LARGE1: variants seen among roughly 807,000 people sequenced by gnomAD.
LARGE1 encodes xylosyl- and glucuronyltransferase LARGE1.
LARGE1 carries 43 observed loss-of-function variants against 87.6 expected under a neutral mutation model. The ratio of observed to expected loss-of-function variants is 0.49; its 90% CI spans 0.38 to 0.63. LARGE1 has a LOEUF of 0.63. Among genes scored for constraint, LARGE1 ranks in the 30% least tolerant of loss-of-function variants. LARGE1 has a pLI of 0.00. For missense variants in LARGE1, 802 were observed against 1,000.2 expected, an observed-to-expected ratio of 0.80 and a Z score of 2.67; for synonymous variants, 434 against 394.6, an observed-to-expected ratio of 1.10 and a Z score of -1.18.
chr22:33,830,434 G>A (rs1340888269), intron 1 of LARGE1, among the ~76,000 whole-genome samples: 2 of 152,132 alleles, frequency 1.3e-5, no homozygotes, highest in Non-Finnish European at 2.9e-5. Context: ...CGAGAGGCAG[G>A]AGGAAATGGT....
intron 1 of LARGE1, among the ~76,000 whole-genome samples, chr22:33,804,000 G>A (rs2086238937): frequency 6.6e-6 from 1 of 152,142 alleles, no homozygotes; most frequent in Non-Finnish European, 1.5e-5. Flanking sequence ...GTTGAAGGAT[G>A]GCAGTCAGGA....
intron 7 of LARGE1, among the ~76,000 whole-genome samples, chr22:33,413,444 T>G (rs1400255302): frequency 1.3e-5 from 2 of 151,986 alleles, no homozygotes; most frequent in African/African-American, 4.8e-5. Flanking sequence ...GCATCATTAC[T>G]GGGGGCTTTT....
chr22:33,734,498 G>C (rs2083585483), intron 2 of LARGE1, among the ~76,000 whole-genome samples: 1 of 152,148 alleles, frequency 6.6e-6, no homozygotes, highest in South Asian at 2.1e-4. Context: ...AGTAGTGAGA[G>C]ACCACTGAAG....
At chr22:33,672,370 C>T (rs901915268) in intron 2 of LARGE1, among the ~76,000 whole-genome samples, 4 of 152,230 alleles carry the variant, frequency 2.6e-5, no homozygotes, top group African/African-American at 7.2e-5. Flanking sequence ...AGAGTGAGCT[C>T]TAGCAGAGCA....
chr22:33,587,941 A>G (rs1375310937), intron 5 of LARGE1, among the ~76,000 whole-genome samples: 8 of 152,158 alleles, frequency 5.3e-5, no homozygotes, highest in Non-Finnish European at 1.0e-4. Flanking sequence ...TTGTTGGAAA[A>G]TCCATTCATT....
chr22:33,764,750 C>T (rs2084846618), intron 1 of LARGE1, among the ~76,000 whole-genome samples: 1 of 152,136 alleles, frequency 6.6e-6, no homozygotes. Flanking sequence ...CAGCAAGACT[C>T]CATCTCAAAA....
At chr22:33,675,326 A>G (rs1213015465) in intron 2 of LARGE1, among the ~76,000 whole-genome samples, 3 of 148,840 alleles carry the variant, frequency 2.0e-5, no homozygotes, top group Non-Finnish European at 3.0e-5. Context: ...AAAGAACACA[A>G]GAGCAGAACC....
In LARGE1 at chr22:33,273,506, G is replaced by C. The variant is rs16992034; in HGVS notation, c.*921C>G. 0.066 allele frequency: 26,493 copies of C among 398,660 alleles called. 1,037 individuals carry two copies. The highest frequency in any genetic ancestry group is 0.11 in the African/African-American group (5,495 of 48,722). 24.7% of individuals were successfully genotyped at this position (398,660 alleles called of 1,614,324 possible). ...TAGTTCCTTCAAAGCCCTTTCCCAT[G>C]AATCAGTCACTGCCAATAGAAAATG... is the stretch of plus-strand genomic sequence containing the variant. On this transcript the variant is annotated 3_prime_UTR_variant, in exon 15 of 15. Transcript: ENST00000397394.
intron 1 of LARGE1, among the ~76,000 whole-genome samples, chr22:33,810,240 A>C (rs1285759100): frequency 6.6e-6 from 1 of 152,236 alleles, no homozygotes; most frequent in Non-Finnish European, 1.5e-5. Flanking sequence ...GAGAGAGTTT[A>C]CACTGACCAA....
chr22:33,516,192 G>C (rs540925550), intron 6 of LARGE1, among the ~76,000 whole-genome samples: 53 of 152,258 alleles, frequency 3.5e-4, no homozygotes, highest in Non-Finnish European at 6.5e-4. Flanking sequence ...AGGAGCGAGG[G>C]CTAGGGCTAT....
intron 1 of LARGE1, among the ~76,000 whole-genome samples, chr22:33,849,893 G>T (rs554627736): frequency 6.6e-6 from 1 of 152,084 alleles, no homozygotes; most frequent in Non-Finnish European, 1.5e-5. Flanking sequence ...GAGCCACTGC[G>T]CCCGGACTCC....
At chr22:33,627,977 T>A (rs903763304) in intron 3 of LARGE1, among the ~76,000 whole-genome samples, 5 of 152,116 alleles carry the variant, frequency 3.3e-5, no homozygotes, top group African/African-American at 1.2e-4. Flanking sequence ...CCAGGGCTCA[T>A]CTGAACCATC....
At chr22:33,568,341 T>A (rs946863262) in intron 5 of LARGE1, among the ~76,000 whole-genome samples, 5 of 152,190 alleles carry the variant, frequency 3.3e-5, no homozygotes, top group African/African-American at 9.7e-5. Context: ...AGACTAGAGA[T>A]GCTTTATGCA....
At chr22:33,074,421 T>C in the LARGE1 span, among the ~76,000 whole-genome samples, 1 of 152,296 alleles carries the variant, frequency 6.6e-6, no homozygotes, top group Non-Finnish European at 1.5e-5. Context: ...ACGCCTGTAA[T>C]CCCAGCACTT....
In LARGE1 at chr22:33,605,448, G is replaced by A. The variant is rs139126758; in HGVS notation, c.492-890C>T. ...TCTGAAATGTATGAGTGGGAATCTT[G>A]AGCATGTCACTTACCCCTCTGCACT... On this transcript the variant is annotated intron_variant, in intron 4 of 14. Coordinates refer to ENST00000397394, the MANE Select transcript of LARGE1 (RefSeq NM_133642.5). Among the ~76,000 whole-genome samples, 133 of 152,276 alleles carry A rather than the reference G, an allele frequency of 8.7e-4. 2 individuals are homozygous for A. The East Asian group carries it at 0.023, about 26-fold the overall frequency.
chr22:33,328,781 T>C (rs1937462445), intron 10 of LARGE1, among the ~76,000 whole-genome samples: 1 of 151,996 alleles, frequency 6.6e-6, no homozygotes, highest in African/African-American at 2.4e-5. Flanking sequence ...GCTACATCCA[T>C]TTGGGAAGCA....
At position 33,292,560 on chromosome 22, in the gene LARGE1, G is replaced by C. The variant is rs554905343; in HGVS notation, c.1731-9212C>G. 3.3e-5 allele frequency among the ~76,000 whole-genome samples: 5 copies of C among 152,260 alleles called. No homozygotes were observed. In the South Asian group the frequency reaches 8.3e-4, roughly 25 times the overall value. ...GGATGCCAGGCTTACATGTCGAGGAGACAAAAGGGAGAGGGGAGAGCAGGG... is the reference window on the plus strand; with the variant it reads ...GGATGCCAGGCTTACATGTCGAGGACACAAAAGGGAGAGGGGAGAGCAGGG... On this transcript the variant is annotated intron_variant, in intron 12 of 14. Transcript: ENST00000397394.
chr22:33,539,311 G>T (rs761253129), intron 6 of LARGE1, among the ~76,000 whole-genome samples: 12 of 151,040 alleles, frequency 7.9e-5, no homozygotes, highest in Admixed American at 4.6e-4. Context: ...TTTAATAAAA[G>T]AACTGGTAAA....
At chr22:33,635,502 C>A (rs1315768181) in intron 3 of LARGE1, among the ~76,000 whole-genome samples, 1 of 152,096 alleles carries the variant, frequency 6.6e-6, no homozygotes, top group South Asian at 2.1e-4. Flanking sequence ...TGATTTGGGG[C>A]AAATTATCTA....
Sources: allele counts gnomAD v4.1 joint callset (sites outside exome capture counted in the v4.1 genomes callset), GRCh38; gene constraint gnomAD v4.1.1; transcripts MANE v1.5; gene names NCBI Gene and HGNC (gene_info 2026-07-23, HGNC 2026-07-21).